Variants in NUDCD3 observed in about 807,000 individuals in gnomAD.
The protein encoded by NUDCD3 is nudC domain-containing protein 3.
In NUDCD3, 13 loss-of-function variants were observed where a neutral mutation model predicts 39.7. The ratio of observed to expected loss-of-function variants is 0.33; its 90% CI spans 0.21 to 0.52. The LOEUF (loss-of-function observed/expected upper bound fraction) is 0.52. Among genes scored for constraint, NUDCD3 ranks in the 20% least tolerant of loss-of-function variants. The pLI is 0.96. For synonymous variants in NUDCD3, 175 were observed against 172.4 expected (o/e 1.02, Z -0.12); for missense variants, 453 against 458.1 (o/e 0.99, Z 0.10).
chr7:44,391,146 G>C (rs1429186076), intron 5 of NUDCD3, among the ~76,000 whole-genome samples: 2 of 151,940 alleles, frequency 1.3e-5, no homozygotes, highest in Admixed American at 1.3e-4. Flanking sequence ...TATTGTGGGG[G>C]GAAAAAAACA....
At chr7:44,467,957 A>G in intron 2 of NUDCD3, 9 of 1,610,842 alleles carry the variant, frequency 5.6e-6, no homozygotes, top group Non-Finnish European at 6.8e-6. Flanking sequence ...CAAGAAGTTC[A>G]TCCAGCACCA....
chr7:44,426,879 T>C (rs1799246942), intron 3 of NUDCD3, among the ~76,000 whole-genome samples: 2 of 152,112 alleles, frequency 1.3e-5, no homozygotes, highest in Non-Finnish European at 2.9e-5. Context: ...CCATCCCTCC[T>C]GTGCAGCCAT....
intron 2 of NUDCD3, among the ~76,000 whole-genome samples, chr7:44,477,822 CTTTTTTT>C (rs938640330): frequency 4.2e-5 from 4 of 94,148 alleles, no homozygotes; most frequent in East Asian, 3.0e-4. Flanking sequence ...ATGAACAATT[CTTTTTTT>C]TTTTTTTTTT....
intron 3 of NUDCD3, among the ~76,000 whole-genome samples, chr7:44,409,792 A>G (rs1798888412): frequency 6.6e-6 from 1 of 152,194 alleles, no homozygotes; most frequent in African/African-American, 2.4e-5. Context: ...ATATCAATAA[A>G]TATCAGTATC....
rs1490719202 is a variant in NUDCD3, at chr7:44,386,053, G to A, written c.1044C>T (p.Asp348=). ...EGSPFRGQRF[D]PAMFNISPGA... is the part of the protein sequence containing the mutation. The stretch of plus-strand genomic sequence containing the variant: ...CCGGGGAGATGTTGAACATGGCAGG[G>A]TCGAATCGCTGGCCTCGGAAGGGAG... The change falls in exon 6 of 6, where the codon GAC becomes GAT. Residue 348 remains aspartate (D), a synonymous_variant. Coordinates refer to ENST00000355451, the MANE Select transcript of NUDCD3 (RefSeq NM_015332.4). The A allele has an allele frequency of 3.1e-6, 5 of 1,609,818 alleles. No homozygotes were observed. Among genetic ancestry groups the A allele is most frequent in the Non-Finnish European group, 4.3e-6 (5 of 1,176,152 alleles).
At chr7:44,390,233 G>A (rs1293420559) in intron 5 of NUDCD3, among the ~76,000 whole-genome samples, 1 of 152,088 alleles carries the variant, frequency 6.6e-6, no homozygotes, top group Admixed American at 6.5e-5. Flanking sequence ...GCGTGGTGGT[G>A]TGCGCCTGTA....
Position 44,392,465 on chromosome 7 carries a change from G to C in NUDCD3, c.807C>G (p.Gly269=), listed in dbSNP as rs147734736. ...KCVLVNLSKV[G]EYWWNAILEG... ...CCAGGATGGCGTTCCACCAATACTCGCCCACCTTGCTCAGGTTCACCTGGG... is the reference window on the plus strand; with the variant it reads ...CCAGGATGGCGTTCCACCAATACTCCCCCACCTTGCTCAGGTTCACCTGGG... Residue 269 remains glycine, a synonymous_variant, in exon 5 of 6, where the codon GGC becomes GGG. Coordinates refer to ENST00000355451, the MANE Select transcript of NUDCD3 (RefSeq NM_015332.4). 6.2e-7 allele frequency: 1 copy of C among 1,613,942 alleles called. No individual in the cohort carries two copies. The highest frequency in any genetic ancestry group is 8.5e-7 in the Non-Finnish European group (1 of 1,179,948).
chr7:44,482,258 G>A (rs142643775), intron 2 of NUDCD3, among the ~76,000 whole-genome samples: 1 of 152,102 alleles, frequency 6.6e-6, no homozygotes, highest in African/African-American at 2.4e-5. Context: ...AGGAAACCTG[G>A]GTAACTGACA....
chr7:44,431,668 C>CTTTTTTT (rs755819096), intron 2 of NUDCD3, among the ~76,000 whole-genome samples: 4 of 120,844 alleles, frequency 3.3e-5, no homozygotes, highest in Non-Finnish European at 5.2e-5. Flanking sequence ...TCTCTCCTTC[C>CTTTTTTT]TTTTTTTTTT....
At chr7:44,473,211 A>C (rs1023435644) in intron 2 of NUDCD3, among the ~76,000 whole-genome samples, 2 of 152,262 alleles carry the variant, frequency 1.3e-5, no homozygotes, top group Non-Finnish European at 2.9e-5. Context: ...GGCCACACTC[A>C]GACCAATTAA....
intron 2 of NUDCD3, among the ~76,000 whole-genome samples, chr7:44,459,454 T>C (rs1342475376): frequency 3.3e-5 from 5 of 152,114 alleles, no homozygotes; most frequent in Admixed American, 2.0e-4. Flanking sequence ...TCTTGAAGTG[T>C]TGGGATTACA....
rs376926899 is a variant in NUDCD3, at chr7:44,427,332, G to A, written c.642+239C>T. 2.2e-4 allele frequency among the ~76,000 whole-genome samples: 34 copies of A among 152,318 alleles called. No homozygotes were observed. The South Asian group carries it at 6.6e-3, about 30-fold the overall frequency. Reference sequence around the variant, plus strand: ...GTGGGCTTCTCTCTCAGGAAGCAGTGTGAACAGGGTTCACCATCCCCAAAG... The same window carrying A: ...GTGGGCTTCTCTCTCAGGAAGCAGTATGAACAGGGTTCACCATCCCCAAAG... On this transcript the variant is annotated intron_variant, in intron 3 of 5. Coordinates refer to ENST00000355451, the MANE Select transcript of NUDCD3 (RefSeq NM_015332.4).
At chr7:44,433,355 G>A (rs941171280) in intron 2 of NUDCD3, among the ~76,000 whole-genome samples, 12 of 152,154 alleles carry the variant, frequency 7.9e-5, no homozygotes, top group Non-Finnish European at 1.3e-4. Flanking sequence ...TGTGGGGTAC[G>A]TGTGTGCATA....
chr7:44,413,114 G>T (rs1006968639), intron 3 of NUDCD3: 4 of 151,854 alleles, frequency 2.6e-5, no homozygotes, highest in African/African-American at 9.7e-5. Flanking sequence ...AATTTCAGAA[G>T]CCATGAAAAA....
intron 2 of NUDCD3, among the ~76,000 whole-genome samples, chr7:44,445,592 T>C (rs1799676450): frequency 6.6e-6 from 1 of 152,234 alleles, no homozygotes; most frequent in Non-Finnish European, 1.5e-5. Context: ...TTTGGTCTTT[T>C]TCCTGTTTGT....
chr7:44,466,503 C>G (rs1563185732), intron 2 of NUDCD3, among the ~76,000 whole-genome samples: 1 of 152,170 alleles, frequency 6.6e-6, no homozygotes, highest in Non-Finnish European at 1.5e-5. Flanking sequence ...CTGCTAGTCA[C>G]CACACCAATC....
chr7:44,487,574 T>C (rs1800639080), intron 1 of NUDCD3, among the ~76,000 whole-genome samples: 1 of 152,086 alleles, frequency 6.6e-6, no homozygotes, highest in Admixed American at 6.5e-5. Flanking sequence ...TCTCATTCAG[T>C]GTTGTCCCAC....
intron 4 of NUDCD3, among the ~76,000 whole-genome samples, chr7:44,397,004 A>G (rs1269109106): frequency 6.6e-6 from 1 of 152,160 alleles, no homozygotes; most frequent in African/African-American, 2.4e-5. Flanking sequence ...GTGGAGGTAT[A>G]GTATGCACAT....
chr7:44,391,790 C>T (rs1798520983), intron 5 of NUDCD3, among the ~76,000 whole-genome samples: 1 of 152,216 alleles, frequency 6.6e-6, no homozygotes, highest in Non-Finnish European at 1.5e-5. Flanking sequence ...AAACTCTACA[C>T]TGGGCACTAC....
Sources: allele counts gnomAD v4.1 joint callset (sites outside exome capture counted in the v4.1 genomes callset), GRCh38; gene constraint gnomAD v4.1.1; transcripts MANE v1.5; gene names NCBI Gene and HGNC (gene_info 2026-07-23, HGNC 2026-07-21).